Variants in IRF2BP2 observed in about 807,000 individuals in gnomAD.
IRF2BP2 encodes interferon regulatory factor 2 binding protein 2.
In IRF2BP2, 13 loss-of-function variants were observed where a neutral mutation model predicts 32.7. The ratio of observed to expected loss-of-function variants is 0.40; its 90% CI spans 0.26 to 0.63. The LOEUF (loss-of-function observed/expected upper bound fraction) is 0.63, where lower values mean the gene tolerates loss of function less well. Among genes scored for constraint, IRF2BP2 ranks in the 30% least tolerant of loss-of-function variants. The pLI is 0.42. For synonymous variants in IRF2BP2, 555 were observed against 384.6 expected, an observed-to-expected ratio of 1.44 and a Z score of -5.18; for missense variants, 980 against 830.6, an observed-to-expected ratio of 1.18 and a Z score of -2.21.
In IRF2BP2 at chr1:234,604,763, ATC is replaced by A. The variant is rs1672117714; in HGVS notation, c.*2372_*2373del. 6.6e-6 allele frequency: 1 copy of A among 152,204 alleles called. No homozygotes were observed. Among genetic ancestry groups the A allele is most frequent in the Non-Finnish European group, 1.5e-5 (1 of 68,032 alleles). The allele number at this position is 152,204 out of a possible 1,614,324, so 9.4% of individuals were successfully genotyped here. A position where few individuals can be genotyped will look rare whatever the true frequency, so the allele number is the denominator to read the frequency against. ...TGACATTTTTATCCAGCTGTGGAGA[ATC>A]TCTGCACTGTCATCAGGTACAACAA... On this transcript the variant is annotated 3_prime_UTR_variant, in exon 2 of 2. Coordinates refer to ENST00000366609, the MANE Select transcript of IRF2BP2 (RefSeq NM_182972.3).
chr1:234,607,145 C>CT lies in IRF2BP2; in HGVS notation c.1755dup (p.Asp586ArgfsTer16). ...TTCTGAAACCGGAAAAGTCACGAGT[C>CT]TCTCTCTTTTTTCACTTTCACATCT... On this transcript the variant is annotated frameshift_variant, in exon 2 of 2. Coordinates refer to ENST00000366609, the MANE Select transcript of IRF2BP2 (RefSeq NM_182972.3). LOFTEE classifies it high-confidence loss of function. The CT allele has an allele frequency of 6.2e-7, 1 of 1,605,686 alleles. No individual in the cohort carries two copies. The highest frequency in any genetic ancestry group is 8.5e-7 in the Non-Finnish European group (1 of 1,173,702).
Position 234,606,773 on chromosome 1 carries a change from T to A in IRF2BP2, c.*364A>T. 1 of 159,194 alleles carries A rather than the reference T, an allele frequency of 6.3e-6. No individual in the cohort carries two copies. The highest frequency in any genetic ancestry group is 6.2e-5 in the Admixed American group (1 of 16,110). The allele number at this position is 159,194 out of a possible 1,614,324, so 9.9% of individuals were successfully genotyped here. On this transcript the variant is annotated 3_prime_UTR_variant, in exon 2 of 2. Coordinates refer to ENST00000366609, the MANE Select transcript of IRF2BP2 (RefSeq NM_182972.3). ...TACAATGTCAGAAAATGTATTTGGC[T>A]TTTTTTTTCTTTTTAAAATAAGTGC...
In IRF2BP2 at chr1:234,609,435, G is replaced by C. The variant is rs540914447; in HGVS notation, c.60C>G (p.Asp20Glu). 6.4e-7 allele frequency: 1 copy of C among 1,553,796 alleles called. No individual in the cohort carries two copies. The highest frequency in any genetic ancestry group is 1.2e-5 in the South Asian group (1 of 85,092). The change falls in exon 1 of 2, where the codon GAC (aspartate) becomes GAG (glutamate). Residue 20 changes from aspartate to glutamate, a missense_variant. Coordinates refer to ENST00000366609, the MANE Select transcript of IRF2BP2 (RefSeq NM_182972.3). Reference sequence around the variant, plus strand: ...TCATGGCCCAGGGCATGCGGGGCAGGTCACACAGGTAGCACGACTGCCGCC... The same window carrying C: ...TCATGGCCCAGGGCATGCGGGGCAGCTCACACAGGTAGCACGACTGCCGCC... Reference protein sequence around the residue: ...ASRRQSCYLCDLPRMPWAMIW... With the variant: ...ASRRQSCYLCELPRMPWAMIW...
rs750949072 is a variant in IRF2BP2 at position 234,609,521 on chromosome 1, AGGAGGC to A, written c.-33_-28del. The A allele has an allele frequency of 1.3e-4, 176 of 1,381,846 alleles. No homozygotes were observed. In the East Asian group the frequency reaches 4.5e-3, roughly 36 times the overall value. 85.6% of individuals were successfully genotyped at this position (1,381,846 alleles called of 1,614,324 possible). A position where few individuals can be genotyped will look rare whatever the true frequency, so the allele number is the denominator to read the frequency against. On this transcript the variant is annotated 5_prime_UTR_variant, in exon 1 of 2. Coordinates refer to ENST00000366609, the MANE Select transcript of IRF2BP2 (RefSeq NM_182972.3). ...TCCGAGGAGCCCGCGACGCCGGAGG[AGGAGGC>A]GGAGGAGGAGGAGGGGGCGCCGCCG...
intron 1 of IRF2BP2, among the ~76,000 whole-genome samples, 179 bp downstream of exon 1, chr1:234,608,268 T>C (rs775526833): frequency 4.6e-5 from 7 of 152,220 alleles, no homozygotes; most frequent in East Asian, 3.9e-4. Context: ...ATCTCTGTTA[T>C]GCTGCTTCAG....
rs754511640 is a variant in IRF2BP2, at chr1:234,609,306, G to A, written c.189C>T (p.His63=). 3 of 1,497,366 alleles carry A rather than the reference G, an allele frequency of 2.0e-6. No homozygotes were observed. The highest frequency in any genetic ancestry group is 2.9e-5 in the East Asian group (1 of 34,430). The allele number at this position is 1,497,366 out of a possible 1,614,324, so 92.8% of individuals were successfully genotyped here. A position where few individuals can be genotyped will look rare whatever the true frequency, so the allele number is the denominator to read the frequency against. The change falls in exon 1 of 2, where the codon CAC becomes CAT. Residue 63 remains histidine, a synonymous_variant. Transcript: ENST00000366609. The stretch of plus-strand genomic sequence containing the variant: ...GGGAGCGACCCTCCGGGAAGCAGCC[G>A]TGCGCCCGCTTGAGCTGCCGCGCCG... The part of the protein sequence containing the change: ...IETARQLKRA[H]GCFPEGRSPP...
rs375228821 is a variant in IRF2BP2, at chr1:234,605,154, T to C, written c.*1983A>G. 1 of 110,574 alleles carries C rather than the reference T, an allele frequency of 9.0e-6. No individual in the cohort carries two copies. Among genetic ancestry groups the C allele is most frequent in the East Asian group, 2.0e-4 (1 of 5,004 alleles). 6.8% of individuals were successfully genotyped at this position (110,574 alleles called of 1,614,324 possible). On this transcript the variant is annotated 3_prime_UTR_variant, in exon 2 of 2. Transcript: ENST00000366609. ...TCAAACGACTGATCAAGTTGTAACA[T>C]CTGTGAGGTCAAATTCCAAAGTGCC...
rs192276553 is a variant in IRF2BP2 at position 234,606,872 on chromosome 1, G to A, written c.*265C>T. The A allele has an allele frequency of 3.7e-3, 1,105 of 299,220 alleles. 5 individuals carry two copies. Among genetic ancestry groups the A allele is most frequent in the South Asian group, 0.014 (214 of 15,160 alleles). The allele number at this position is 299,220 out of a possible 1,614,324, so 18.5% of individuals were successfully genotyped here. A position where few individuals can be genotyped will look rare whatever the true frequency, so the allele number is the denominator to read the frequency against. ...AGCAGCGCAAGTCACAGCCTACATA[G>A]AACGGTAACTGTCACCAGGATAATA... On this transcript the variant is annotated 3_prime_UTR_variant, in exon 2 of 2. Transcript: ENST00000366609.
At chr1:234,608,017 A>G (rs1672214933) in intron 1 of IRF2BP2, 165 bp from the exon 2 acceptor site, 1 of 607,916 alleles carries the variant, frequency 1.6e-6, no homozygotes, top group African/African-American at 1.8e-5. Flanking sequence ...CATGCAACTT[A>G]AAACCTTCAG....
chr1:234,608,318 G>A (rs1672223457), intron 1 of IRF2BP2, 129 bp downstream of exon 1: 2 of 772,806 alleles, frequency 2.6e-6, no homozygotes, highest in Non-Finnish European at 4.0e-6. Flanking sequence ...TTCCGCCTCA[G>A]GCAGATCAGG....
chr1:234,607,336 G>A lies in IRF2BP2; in HGVS notation c.1565C>T (p.Pro522Leu), dbSNP rs1250943808. 1 of 1,614,190 alleles carries A rather than the reference G, an allele frequency of 6.2e-7. No individual in the cohort carries two copies. ...RLEDTHFVQC[P>L]SVPSHKFCFP... ...GCAGAACTTGTGCGAAGGGACGGAC[G>A]GGCACTGCACAAAATGGGTGTCCTC... is the stretch of plus-strand genomic sequence containing the variant. The change falls in exon 2 of 2, where the codon CCG becomes CTG. Residue 522 changes from proline (P) to leucine (L), a missense_variant. Transcript: ENST00000366609.
At position 234,606,121 on chromosome 1, in the gene IRF2BP2, C is replaced by G. The variant is rs1672153421; in HGVS notation, c.*1016G>C. On this transcript the variant is annotated 3_prime_UTR_variant, in exon 2 of 2. Transcript: ENST00000366609. ...AGAAACAGGGTATAGGTGATAGTAT[C>G]AACAGCAATAGCACTACAGGTAAAT... 1 of 152,236 alleles carries G rather than the reference C, an allele frequency of 6.6e-6. No individual in the cohort carries two copies. The highest frequency in any genetic ancestry group is 2.4e-5 in the African/African-American group (1 of 41,450). 9.4% of individuals were successfully genotyped at this position (152,236 alleles called of 1,614,324 possible).
Position 234,606,234 on chromosome 1 carries a change from A to G in IRF2BP2, c.*903T>C, listed in dbSNP as rs1672156280. ...ACTTCTCTTGCAACTCTTTCAAAATAAAGGACAACAGCAACAACAAACAGA... is the reference window on the plus strand; with the variant it reads ...ACTTCTCTTGCAACTCTTTCAAAATGAAGGACAACAGCAACAACAAACAGA... On this transcript the variant is annotated 3_prime_UTR_variant, in exon 2 of 2. Transcript: ENST00000366609. 6.6e-6 allele frequency: 1 copy of G among 152,260 alleles called. No individual in the cohort carries two copies. The highest frequency in any genetic ancestry group is 2.4e-5 in the African/African-American group (1 of 41,462). 9.4% of individuals were successfully genotyped at this position (152,260 alleles called of 1,614,324 possible).
rs1487462027 is a variant in IRF2BP2 at position 234,607,334 on chromosome 1, A to G, written c.1567T>C (p.Ser523Pro). The G allele has an allele frequency of 3.1e-6, 5 of 1,614,106 alleles. No homozygotes were observed. Among genetic ancestry groups the G allele is most frequent in the Non-Finnish European group, 4.2e-6 (5 of 1,180,044 alleles). Residue 523 changes from serine (S) to proline (P), a missense_variant, in exon 2 of 2, where the codon TCC (serine) becomes CCC (proline). Coordinates refer to ENST00000366609, the MANE Select transcript of IRF2BP2 (RefSeq NM_182972.3). ...LEDTHFVQCP[S>P]VPSHKFCFPC... ...AAGCAGAACTTGTGCGAAGGGACGG[A>G]CGGGCACTGCACAAAATGGGTGTCC...
In IRF2BP2 at chr1:234,607,075, T is replaced by C. The variant is rs1672184731; in HGVS notation, c.*62A>G. ...TTGGATATATATATATATGGAGATA[T>C]ATATACAATTCAAGCAGTTTTAATT... On this transcript the variant is annotated 3_prime_UTR_variant, in exon 2 of 2. Coordinates refer to ENST00000366609, the MANE Select transcript of IRF2BP2 (RefSeq NM_182972.3). 3 of 1,089,138 alleles carry C rather than the reference T, an allele frequency of 2.8e-6. No individual in the cohort carries two copies. The highest frequency in any genetic ancestry group is 1.4e-5 in the South Asian group (1 of 70,918). The allele number at this position is 1,089,138 out of a possible 1,614,324, so 67.5% of individuals were successfully genotyped here.
Position 234,607,735 on chromosome 1 carries a change from A to G in IRF2BP2, c.1166T>C (p.Ile389Thr), listed in dbSNP as rs770470592. The G allele has an allele frequency of 3.7e-6, 6 of 1,613,878 alleles. No homozygotes were observed. The highest frequency in any genetic ancestry group is 5.1e-6 in the Non-Finnish European group (6 of 1,179,998). Residue 389 changes from isoleucine (I) to threonine (T), a missense_variant, in exon 2 of 2, where the codon ATC becomes ACC. Coordinates refer to ENST00000366609, the MANE Select transcript of IRF2BP2 (RefSeq NM_182972.3). ...AAAAGAGGATGTAGGAGTCATGGGG[A>G]TCTTGAGCCCCTCTGTGGATGTGGA... Reference protein sequence around the residue: ...WLSTSTEGLKIPMTPTSSFVS... With the variant: ...WLSTSTEGLKTPMTPTSSFVS...
chr1:234,609,396 G>C lies in IRF2BP2; in HGVS notation c.99C>G (p.Thr33=), dbSNP rs1293477644. The C allele has an allele frequency of 1.3e-6, 2 of 1,565,016 alleles. No homozygotes were observed. Among genetic ancestry groups the C allele is most frequent in the South Asian group, 1.2e-5 (1 of 86,128 alleles). ...TGACGCAGCCGCGGCAGACGGGTTC[G>C]GTGAAGTCCCAGATCATGGCCCAGG... is the stretch of plus-strand genomic sequence containing the variant. ...RMPWAMIWDF[T]EPVCRGCVNY... is the part of the protein sequence containing the mutation. The change falls in exon 1 of 2, where the codon ACC becomes ACG. Residue 33 remains threonine, a synonymous_variant. Transcript: ENST00000366609.
In IRF2BP2 at chr1:234,609,313, C is replaced by G; in HGVS notation, c.182G>C (p.Arg61Pro). The G allele has an allele frequency of 6.6e-7, 1 of 1,507,126 alleles. No individual in the cohort carries two copies. The highest frequency in any genetic ancestry group is 2.9e-5 in the East Asian group (1 of 34,882). The allele number at this position is 1,507,126 out of a possible 1,614,324, so 93.4% of individuals were successfully genotyped here. ...FVIETARQLK[R>P]AHGCFPEGRS... ...ACCCTCCGGGAAGCAGCCGTGCGCCCGCTTGAGCTGCCGCGCCGTCTCGAT... is the reference window on the plus strand; with the variant it reads ...ACCCTCCGGGAAGCAGCCGTGCGCCGGCTTGAGCTGCCGCGCCGTCTCGAT... Residue 61 changes from arginine to proline, a missense_variant, in exon 1 of 2, where the codon CGG becomes CCG. Transcript: ENST00000366609.
intron 1 of IRF2BP2, 84 bp from the exon 2 acceptor site, chr1:234,607,936 A>G (rs759952170): frequency 7.0e-5 from 77 of 1,103,390 alleles, no homozygotes; most frequent in Non-Finnish European, 8.4e-5. Context: ...AACCCGAAAC[A>G]AAAGTCGTTA....
Sources: gnomAD v4.1 joint callset for allele counts (sites outside exome capture counted in the v4.1 genomes callset) on GRCh38, gnomAD v4.1.1 for gene constraint, MANE v1.5 for transcripts, NCBI Gene and HGNC (gene_info 2026-07-23, HGNC 2026-07-21) for gene names.